The following ZNF441 variants were observed in gnomAD, a reference collection of about 807,000 sequenced individuals.
ZNF441 encodes zinc finger protein 441.
A neutral mutation model predicts 64.5 loss-of-function variants in ZNF441; 25 were observed. The observed-to-expected ratio is 0.39, with a 90% CI of 0.28 to 0.54. The LOEUF (loss-of-function observed/expected upper bound fraction) is 0.54. Among genes scored for constraint, ZNF441 ranks in the 20% least tolerant of loss-of-function variants. The probability of loss-of-function intolerance (pLI) is 0.70; values close to 1 mark genes in which losing one functional copy is unlikely to be tolerated. For missense variants in ZNF441, 715 were observed against 843.3 expected (o/e 0.85, Z 1.88); for synonymous variants, 262 against 268.0 (o/e 0.98, Z 0.22).
rs148272848 is a variant in ZNF441 at position 11,780,429 on chromosome 19, G to T, written c.605G>T (p.Gly202Val). The T allele has an allele frequency of 1.0e-3, 1,627 of 1,614,178 alleles. 1 individual carries two copies. The highest frequency in any genetic ancestry group is 1.3e-3 in the Non-Finnish European group (1,529 of 1,180,036). Residue 202 changes from glycine (G) to valine (V), a missense_variant, in exon 4 of 4, where the codon GGA becomes GTA. Coordinates refer to ENST00000357901, the MANE Select transcript of ZNF441 (RefSeq NM_152355.3). ...GDGPRICKLCGNAFIWPSLFH... is the reference protein window; with the variant it reads ...GDGPRICKLCVNAFIWPSLFH... ...GGACCTCGTATATGTAAGTTGTGTG[G>T]AAACGCCTTTATTTGGCCTAGTTTA...
intron 1 of ZNF441, among the ~76,000 whole-genome samples, chr19:11,770,329 C>T (rs1265842661): frequency 6.6e-6 from 1 of 152,146 alleles, no homozygotes; most frequent in Admixed American, 6.6e-5. Context: ...ATCCAGTCAC[C>T]TCCCACAGGT....
Position 11,777,744 on chromosome 19 carries a change from A to T in ZNF441, c.130+7A>T. The T allele has an allele frequency of 1.2e-6, 2 of 1,600,180 alleles. No individual in the cohort carries two copies. The highest frequency in any genetic ancestry group is 1.7e-6 in the Non-Finnish European group (2 of 1,175,636). On this transcript the variant is annotated splice_region_variant and intron_variant, in intron 2 of 3. Transcript: ENST00000357901. ...AGAAACCTGGACTGTATAGGTAAGG[A>T]TGTCATCATGTCTTCACTTAGTCAA...
At chr19:11,768,460 C>A (rs138371561) in intron 1 of ZNF441, among the ~76,000 whole-genome samples, 2 of 152,162 alleles carry the variant, frequency 1.3e-5, no homozygotes, top group Non-Finnish European at 2.9e-5. Flanking sequence ...ACAGAGACAC[C>A]TTTTGAGAAT....
chr19:11,774,645 A>G (rs1848799605), intron 1 of ZNF441, among the ~76,000 whole-genome samples: 1 of 152,170 alleles, frequency 6.6e-6, no homozygotes, highest in South Asian at 2.1e-4. Flanking sequence ...GATTTTATTC[A>G]TACATCCCTT....
rs1049802830 is a variant in ZNF441, at chr19:11,781,384, A to G, written c.1560A>G (p.Arg520=). Residue 520 remains arginine, a synonymous_variant, in exon 4 of 4, where the codon AGA becomes AGG. Transcript: ENST00000357901. The stretch of plus-strand genomic sequence containing the variant: ...TTGATTCTCCCAGTTCATTTCGAAG[A>G]CATGAAAGAATTCACACTGGGGAGA... ...KSFDSPSSFR[R]HERIHTGERP... 1 of 1,614,070 alleles carries G rather than the reference A, an allele frequency of 6.2e-7. No individual in the cohort carries two copies. Among genetic ancestry groups the G allele is most frequent in the Non-Finnish European group, 8.5e-7 (1 of 1,180,008 alleles).
rs1599272944 is a variant in ZNF441 at position 11,783,167 on chromosome 19, A to C, written c.*1261A>C. On this transcript the variant is annotated 3_prime_UTR_variant, in exon 4 of 4. Coordinates refer to ENST00000357901, the MANE Select transcript of ZNF441 (RefSeq NM_152355.3). The stretch of plus-strand genomic sequence containing the variant: ...AGACAGTTCTCAAAAGAAGACATGC[A>C]AATGGCCAAAAAGTATATGGAAATA... The C allele has an allele frequency of 1.3e-5, 2 of 152,242 alleles. No homozygotes were observed. The highest frequency in any genetic ancestry group is 4.1e-4 in the South Asian group (2 of 4,834). 9.4% of individuals were successfully genotyped at this position (152,242 alleles called of 1,614,324 possible).
intron 1 of ZNF441, among the ~76,000 whole-genome samples, chr19:11,775,818 G>T (rs1975351337): frequency 6.6e-6 from 1 of 151,310 alleles, no homozygotes; most frequent in Admixed American, 6.6e-5. Context: ...AGTAGAGACG[G>T]GGTTTCGACA....
chr19:11,782,042 C>A lies in ZNF441; in HGVS notation c.*136C>A. On this transcript the variant is annotated 3_prime_UTR_variant, in exon 4 of 4. Coordinates refer to ENST00000357901, the MANE Select transcript of ZNF441 (RefSeq NM_152355.3). ...CTAAAACCTTCCATTTTTTTCAGTA[C>A]CTTTTGAAAACATGACCAAACTCAT... 3 of 633,858 alleles carry A rather than the reference C, an allele frequency of 4.7e-6. No individual in the cohort carries two copies. The highest frequency in any genetic ancestry group is 4.9e-6 in the Non-Finnish European group (2 of 409,650). The allele number at this position is 633,858 out of a possible 1,614,324, so 39.3% of individuals were successfully genotyped here. A position where few individuals can be genotyped will look rare whatever the true frequency, so the allele number is the denominator to read the frequency against.
In ZNF441 at chr19:11,781,914, C is replaced by T. The variant is rs1321815427; in HGVS notation, c.*8C>T. 2 of 1,564,154 alleles carry T rather than the reference C, an allele frequency of 1.3e-6. No homozygotes were observed. Among genetic ancestry groups the T allele is most frequent in the Non-Finnish European group, 1.7e-6 (2 of 1,154,612 alleles). On this transcript the variant is annotated 3_prime_UTR_variant, in exon 4 of 4. Transcript: ENST00000357901. Reference sequence around the variant, plus strand: ...CATGAAATGACTCACTAGAGAAAACCCCTATGAGTGTTGAACATGTGAGAA... The same window carrying T: ...CATGAAATGACTCACTAGAGAAAACTCCTATGAGTGTTGAACATGTGAGAA...
intron 3 of ZNF441, among the ~76,000 whole-genome samples, chr19:11,779,746 CAAA>C (rs59397026): frequency 2.4e-5 from 3 of 124,426 alleles, no homozygotes; most frequent in Non-Finnish European, 1.7e-5. Flanking sequence ...GACTCCGTCT[CAAA>C]AAAAAAAAAA....
At chr19:11,768,388 G>GT (rs1335134483) in intron 1 of ZNF441, among the ~76,000 whole-genome samples, 4 of 152,144 alleles carry the variant, frequency 2.6e-5, no homozygotes, top group Non-Finnish European at 4.4e-5. Flanking sequence ...ACATTTCGCT[G>GT]TAAAAAAAAT....
chr19:11,781,926 T>G lies in ZNF441; in HGVS notation c.*20T>G. 6.5e-7 allele frequency: 1 copy of G among 1,533,106 alleles called. No homozygotes were observed. Among genetic ancestry groups the G allele is most frequent in the South Asian group, 1.3e-5 (1 of 78,908 alleles). 95.0% of individuals were successfully genotyped at this position (1,533,106 alleles called of 1,614,324 possible). On this transcript the variant is annotated 3_prime_UTR_variant, in exon 4 of 4. Coordinates refer to ENST00000357901, the MANE Select transcript of ZNF441 (RefSeq NM_152355.3). ...CACTAGAGAAAACCCCTATGAGTGTTGAACATGTGAGAAAGCCTTAAGTAC... is the reference window on the plus strand; with the variant it reads ...CACTAGAGAAAACCCCTATGAGTGTGGAACATGTGAGAAAGCCTTAAGTAC...
Position 11,781,150 on chromosome 19 carries a change from T to C in ZNF441, c.1326T>C (p.Thr442=). Residue 442 remains threonine, a synonymous_variant, in exon 4 of 4, where the codon ACT becomes ACC. Transcript: ENST00000357901. ...TTCAAATACATGAAAGAATTCACAC[T>C]GGGGAGAGACCCTATAAATGTAAAC... is the stretch of plus-strand genomic sequence containing the variant. ...TYLQIHERIH[T]GERPYKCKQC... 6.2e-7 allele frequency: 1 copy of C among 1,614,078 alleles called. No homozygotes were observed. Among genetic ancestry groups the C allele is most frequent in the Non-Finnish European group, 8.5e-7 (1 of 1,180,024 alleles).
Position 11,780,761 on chromosome 19 carries a change from T to A in ZNF441, c.937T>A (p.Cys313Ser). The part of the protein sequence containing the change: ...TGDGPHKCKI[C>S]GKGFLSPSSV... The stretch of plus-strand genomic sequence containing the variant: ...AGATGGGCCTCATAAATGTAAGATA[T>A]GTGGAAAAGGCTTTCTTTCTCCCAG... Residue 313 changes from cysteine to serine, a missense_variant, in exon 4 of 4, where the codon TGT becomes AGT. Physicochemically the swap from Cys to Ser is moderately radical, Grantham distance 112. Transcript: ENST00000357901. The A allele has an allele frequency of 6.2e-7, 1 of 1,614,152 alleles. No homozygotes were observed. The highest frequency in any genetic ancestry group is 8.5e-7 in the Non-Finnish European group (1 of 1,180,018).
Position 11,780,154 on chromosome 19 carries a change from C to A in ZNF441, c.330C>A (p.Asp110Glu), listed in dbSNP as rs372033442. ...VDPWESSECT[D>E]VLMGRSSLNC... ...CATGGGAAAGCAGTGAGTGTACAGA[C>A]GTCCTCATGGGTCGTTCATCTCTTA... is the stretch of plus-strand genomic sequence containing the variant. The change falls in exon 4 of 4, where the codon GAC (aspartate) becomes GAA (glutamate). Residue 110 changes from aspartate (D) to glutamate (E), a missense_variant. Around this residue, in one of 2 missense-constraint regions of ZNF441, gnomAD observed 399 missense variants for 413.9 expected, o/e 0.96. Transcript: ENST00000357901. 2 of 1,614,136 alleles carry A rather than the reference C, an allele frequency of 1.2e-6. No homozygotes were observed. Among genetic ancestry groups the A allele is most frequent in the East Asian group, 4.5e-5 (2 of 44,878 alleles).
rs746177357 is a variant in ZNF441 at position 11,777,585 on chromosome 19, T to C, written c.4-26T>C. 4 of 1,599,178 alleles carry C rather than the reference T, an allele frequency of 2.5e-6. No individual in the cohort carries two copies. The Admixed American group carries it at 7.0e-5, about 28-fold the overall frequency. ...CCAGTGCCTTCAGTTTTAATATTCC[T>C]CCTCTGCACATGTGAAATATTTCAG... On this transcript the variant is annotated intron_variant, in intron 1 of 3. Coordinates refer to ENST00000357901, the MANE Select transcript of ZNF441 (RefSeq NM_152355.3).
chr19:11,767,335 C>T lies in ZNF441; in HGVS notation c.3+139C>T. On this transcript the variant is annotated intron_variant, in intron 1 of 3. Transcript: ENST00000357901. This position sits in a 1 kb window ranked among gnomAD's most constrained non-coding sequence, Gnocchi z 5.1. ...TCGGCCCTCGGTTCCCTCGGCCGCA[C>T]GATGGGGCTGGGGCGGCAGCCGGGA... 2.9e-6 allele frequency: 4 copies of T among 1,378,332 alleles called. No individual in the cohort carries two copies. The highest frequency in any genetic ancestry group is 1.3e-5 in the South Asian group (1 of 75,878). 85.4% of individuals were successfully genotyped at this position (1,378,332 alleles called of 1,614,324 possible). A position where few individuals can be genotyped will look rare whatever the true frequency, so the allele number is the denominator to read the frequency against.
chr19:11,775,100 C>T (rs1001545710), intron 1 of ZNF441, among the ~76,000 whole-genome samples: 2 of 152,206 alleles, frequency 1.3e-5, no homozygotes, highest in East Asian at 1.9e-4. Flanking sequence ...AAACAAAAAG[C>T]TGACCTCTTC....
intron 1 of ZNF441, among the ~76,000 whole-genome samples, chr19:11,771,363 T>C (rs534443543): frequency 6.6e-6 from 1 of 152,272 alleles, no homozygotes; most frequent in East Asian, 1.9e-4. Flanking sequence ...CTTATAACTA[T>C]TGAAGAAATT....
Sources: allele counts gnomAD v4.1 joint callset (sites outside exome capture counted in the v4.1 genomes callset), GRCh38; gene constraint gnomAD v4.1.1; regional missense constraint gnomAD v4.1.1; non-coding constraint Gnocchi (gnomAD v3.1); transcripts MANE v1.5; gene names NCBI Gene and HGNC (gene_info 2026-07-23, HGNC 2026-07-21).